The following PZP variants were observed in gnomAD, a reference collection of about 807,000 sequenced individuals.
The protein encoded by PZP is pregnancy zone protein.
In PZP, 150 loss-of-function variants were observed where a neutral mutation model predicts 179.8. The observed-to-expected ratio is 0.83, with a 90% CI of 0.73 to 0.96. PZP has a LOEUF of 0.96. PZP is among the 40% of genes least tolerant of loss of function. The probability of loss-of-function intolerance (pLI) is 0.00; values close to 1 mark genes in which losing one functional copy is unlikely to be tolerated. For missense variants in PZP, 1,689 were observed against 1,764.0 expected, an observed-to-expected ratio of 0.96 and a Z score of 0.76; for synonymous variants, 624 against 652.3, an observed-to-expected ratio of 0.96 and a Z score of 0.66.
In PZP at chr12:9,163,718, C is replaced by A. The variant is rs1941384444; in HGVS notation, c.2686G>T (p.Val896Phe). ...GTGTCTTTTCTTTTAATCTCAGGGA[C>A]CTCAACAACCTCATTTCCACAGAGT... ...LELCGNEVVE[V>F]PEIKRKDTVI... The change falls in exon 21 of 36, where the codon GTC (valine) becomes TTC (phenylalanine). Residue 896 changes from valine (V) to phenylalanine (F), a missense_variant. Transcript: ENST00000261336. 6.2e-7 allele frequency: 1 copy of A among 1,613,910 alleles called. No individual in the cohort carries two copies. Among genetic ancestry groups the A allele is most frequent in the African/African-American group, 1.3e-5 (1 of 74,986 alleles).
At chr12:9,192,094 A>C in intron 13 of PZP, 99 bp downstream of exon 13, 1 of 1,026,664 alleles carries the variant, frequency 9.7e-7, no homozygotes, top group Non-Finnish European at 1.5e-6. Flanking sequence ...CCTTATTGTG[A>C]AGGGATGATG....
At position 9,197,002 on chromosome 12, in the gene PZP, G is replaced by A. The variant is rs147532348; in HGVS notation, c.867+10C>T. 9.9e-4 allele frequency: 1,539 copies of A among 1,561,896 alleles called. 17 individuals carry two copies. In the African/African-American group the frequency reaches 0.019, roughly 19 times the overall value. Reference sequence around the variant, plus strand: ...AGTGATAGCACTGAGGGAGAATACCGCCTACTAACCTGTTGACTGAATTCC... The same window carrying A: ...AGTGATAGCACTGAGGGAGAATACCACCTACTAACCTGTTGACTGAATTCC... On this transcript the variant is annotated intron_variant, in intron 8 of 35. Coordinates refer to ENST00000261336, the MANE Select transcript of PZP (RefSeq NM_002864.3).
At chr12:9,149,505 C>G in intron 35 of PZP, 56 bp downstream of exon 35, 1 of 1,496,398 alleles carries the variant, frequency 6.7e-7, no homozygotes. Context: ...ATTGCAGGGG[C>G]CCTTGGAGAG....
rs1448926874 is a variant in PZP, at chr12:9,169,598, C to A, written c.1840-7G>T. ...CAGTTAGCAGATTATATACCTGTAG[C>A]AGTGGGGGGATCAAAGGCAGAACTG... On this transcript the variant is annotated splice_region_variant and splice_polypyrimidine_tract_variant and intron_variant, in intron 15 of 35. Coordinates refer to ENST00000261336, the MANE Select transcript of PZP (RefSeq NM_002864.3). 6.3e-7 allele frequency: 1 copy of A among 1,586,812 alleles called. No individual in the cohort carries two copies. Among genetic ancestry groups the A allele is most frequent in the African/African-American group, 1.4e-5 (1 of 73,372 alleles).
rs1318679225 is a variant in PZP at position 9,160,055 on chromosome 12, A to G, written c.3050-30T>C. ...AATGGAAGGCTTCAGATTGTTCATG[A>G]AGCATTAAAGAAAGGCAGGCCATCC... On this transcript the variant is annotated intron_variant, in intron 24 of 35. Transcript: ENST00000261336. The G allele has an allele frequency of 1.9e-6, 3 of 1,585,672 alleles. No homozygotes were observed. The South Asian group carries it at 3.3e-5, about 18-fold the overall frequency.
chr12:9,140,024 G>A, the PZP span, among the ~76,000 whole-genome samples: 1 of 152,208 alleles, frequency 6.6e-6, no homozygotes, highest in Non-Finnish European at 1.5e-5. Context: ...TGGCCGGAGA[G>A]GAGGTTATCT....
At chr12:9,160,820 C>T (rs1941141141) in intron 23 of PZP, among the ~76,000 whole-genome samples, 1 of 151,620 alleles carries the variant, frequency 6.6e-6, no homozygotes, top group Non-Finnish European at 1.5e-5. Context: ...GAGGCTGAGG[C>T]AGGAGAATGG....
At chr12:9,172,751 G>C (rs1942083920) in intron 15 of PZP, among the ~76,000 whole-genome samples, 1 of 152,002 alleles carries the variant, frequency 6.6e-6, no homozygotes, top group South Asian at 2.1e-4. Flanking sequence ...TAATAGTAAA[G>C]GATTCAATTC....
chr12:9,180,448 A>G (rs1295446390), intron 15 of PZP, among the ~76,000 whole-genome samples: 2 of 152,232 alleles, frequency 1.3e-5, no homozygotes, highest in African/African-American at 4.8e-5. Flanking sequence ...GTACCAAAAC[A>G]GAGATATAGA....
At position 9,160,419 on chromosome 12, in the gene PZP, T is replaced by C; in HGVS notation, c.2944A>G (p.Asn982Asp). 2 of 1,614,064 alleles carry C rather than the reference T, an allele frequency of 1.2e-6. No homozygotes were observed. Among genetic ancestry groups the C allele is most frequent in the South Asian group, 1.1e-5 (1 of 91,090 alleles). Residue 982 changes from asparagine (N) to aspartate (D), a missense_variant, in exon 24 of 36, where the codon AAC (asparagine) becomes GAC (aspartate). By Grantham distance (23) the Asn-to-Asp change is conservative. Transcript: ENST00000261336. ...LQMPYGCGEQ[N>D]MVLFAPNIYV... ...ATGTTAGGAGCAAATAGGACCATGTTCTGTTCTCCACAGCCATATGGCATC... is the reference window on the plus strand; with the variant it reads ...ATGTTAGGAGCAAATAGGACCATGTCCTGTTCTCCACAGCCATATGGCATC...
intron 17 of PZP, chr12:9,166,881 G>C (rs184693708): frequency 6.6e-6 from 1 of 152,146 alleles, no homozygotes; most frequent in Non-Finnish European, 1.5e-5. Context: ...TTTTGTCCAC[G>C]TTGTGCCTGA....
intron 29 of PZP, 21 bp downstream of exon 29, chr12:9,154,595 G>T: frequency 6.2e-7 from 1 of 1,607,350 alleles, no homozygotes; most frequent in African/African-American, 1.3e-5. Flanking sequence ...TGGAGCAGAA[G>T]ACTCTTTGGG....
chr12:9,136,518 T>C, the PZP span, among the ~76,000 whole-genome samples: 4 of 152,298 alleles, frequency 2.6e-5, no homozygotes, highest in East Asian at 1.9e-4. Context: ...CCATTGTGCA[T>C]GTGTGTGTGC....
chr12:9,183,149 C>T (rs1592518520), intron 13 of PZP, among the ~76,000 whole-genome samples: 1 of 151,912 alleles, frequency 6.6e-6, no homozygotes, highest in African/African-American at 2.4e-5. Context: ...AGTCTAATAC[C>T]CTTAGGAATA....
chr12:9,169,454 T>C lies in PZP; in HGVS notation c.1977A>G (p.Glu659=), dbSNP rs773920468. The change falls in exon 16 of 36, where the codon GAA becomes GAG. Residue 659 remains glutamate (E), a synonymous_variant. Transcript: ENST00000261336. ...GAIYVPLSSN[E]ADIYSFLKGM... ...CCTTGAGGAAGCTATAAATATCTGC[T>C]TCATTACTTGATAAGGGAACATAGA... is the stretch of plus-strand genomic sequence containing the variant. 7 of 1,608,686 alleles carry C rather than the reference T, an allele frequency of 4.4e-6. No individual in the cohort carries two copies. Among genetic ancestry groups the C allele is most frequent in the South Asian group, 1.1e-5 (1 of 89,828 alleles).
At chr12:9,180,719 C>T (rs926916234) in intron 15 of PZP, among the ~76,000 whole-genome samples, 2 of 152,330 alleles carry the variant, frequency 1.3e-5, no homozygotes, top group Middle Eastern at 3.4e-3. Context: ...CTAGGCATCA[C>T]CATTCAGGAC....
rs750412335 is a variant in PZP at position 9,157,287 on chromosome 12, A to T, written c.3438T>A (p.His1146Gln). Residue 1146 changes from histidine to glutamine, a missense_variant, in exon 28 of 36, where the codon CAT (histidine) becomes CAA (glutamine). His to Gln is a conservative substitution (Grantham distance 24). Around this residue, in one of 3 missense-constraint regions of PZP, gnomAD observed 746 missense variants for 749.2 expected, o/e 1.00. Coordinates refer to ENST00000261336, the MANE Select transcript of PZP (RefSeq NM_002864.3). ...ATGCCTTGGTGTAGACATGGCTCCC[A>T]TGGGTCCCCTCCTTTGCTACATTCC... ...SAWNVAKEGT[H>Q]GSHVYTKALL... is the part of the protein sequence containing the mutation. 2 of 1,614,094 alleles carry T rather than the reference A, an allele frequency of 1.2e-6. No homozygotes were observed. The highest frequency in any genetic ancestry group is 4.5e-5 in the East Asian group (2 of 44,884).
chr12:9,154,399 C>A (rs2114851), intron 29 of PZP, among the ~76,000 whole-genome samples: 92,254 of 151,998 alleles, frequency 0.61, 28,391 homozygotes, highest in East Asian at 0.9. Flanking sequence ...GCTCGTTGTA[C>A]GTCTCCATGT....
the PZP span, among the ~76,000 whole-genome samples, chr12:9,138,477 T>C: frequency 6.6e-6 from 1 of 152,092 alleles, no homozygotes; most frequent in African/African-American, 2.4e-5. Context: ...TTTTTTCTTG[T>C]AGTGTCCTTG....
Sources: gnomAD v4.1 joint callset for allele counts (sites outside exome capture counted in the v4.1 genomes callset) on GRCh38, gnomAD v4.1.1 for gene constraint, gnomAD v4.1.1 regional missense constraint, MANE v1.5 for transcripts, NCBI Gene and HGNC (gene_info 2026-07-23, HGNC 2026-07-21) for gene names.